HPCA: variants seen among roughly 807,000 people sequenced by gnomAD.
HPCA encodes hippocalcin.
Under a neutral mutation model 18.2 loss-of-function variants are expected in HPCA, and 4 were observed. The observed-to-expected ratio is 0.22, with a 90% CI of 0.11 to 0.50. HPCA has a LOEUF of 0.50. Ranked by LOEUF, HPCA falls within the 20% of genes least tolerant of loss-of-function variation. The pLI is 0.97. For synonymous variants in HPCA, 93 were observed against 103.5 expected (o/e 0.90, Z 0.61); for missense variants, 161 against 265.8 (o/e 0.61, Z 2.74).
rs1641423236 is a variant in HPCA at position 32,889,591 on chromosome 1, G to T, written c.378+315G>T. Among the ~76,000 whole-genome samples the T allele has an allele frequency of 6.6e-6, 1 of 152,030 alleles. No homozygotes were observed. The highest frequency in any genetic ancestry group is 2.1e-4 in the South Asian group (1 of 4,826). ...TCTGAACATTGGCCCTTTACCCCTG[G>T]ATACATTAGGATATATTTCCTAAAA... On this transcript the variant is annotated intron_variant, in intron 2 of 3. Transcript: ENST00000373467. This position sits in a 1 kb window ranked among gnomAD's most constrained non-coding sequence, Gnocchi z 4.6.
rs1252187515 is a variant in HPCA at position 32,889,725 on chromosome 1, C to T, written c.378+449C>T. Among the ~76,000 whole-genome samples, 1 of 152,236 alleles carries T rather than the reference C, an allele frequency of 6.6e-6. No individual in the cohort carries two copies. Among genetic ancestry groups the T allele is most frequent in the Non-Finnish European group, 1.5e-5 (1 of 68,042 alleles). On this transcript the variant is annotated intron_variant, in intron 2 of 3. Transcript: ENST00000373467. This position sits in a 1 kb window ranked among gnomAD's most constrained non-coding sequence, Gnocchi z 4.6. ...ACCAACCATATTCCAATTTTGCCAACTGTCTCCATAATGTTCTTTATAGCA... is the reference window on the plus strand; with the variant it reads ...ACCAACCATATTCCAATTTTGCCAATTGTCTCCATAATGTTCTTTATAGCA...
Position 32,893,441 on chromosome 1 carries a change from G to A in HPCA, c.379-83G>A, listed in dbSNP as rs1000531329. ...GCCCAGGCGGGGGCAGCAAACGTCA[G>A]AGAGCCCGGGGGCGCCTCTGAATCT... On this transcript the variant is annotated intron_variant, in intron 2 of 3. Coordinates refer to ENST00000373467, the MANE Select transcript of HPCA (RefSeq NM_002143.3). The surrounding 1 kb of genome is among the most constrained non-coding windows in gnomAD (Gnocchi z 7.5). 3.1e-6 allele frequency: 3 copies of A among 976,436 alleles called. No homozygotes were observed. In the African/African-American group the frequency reaches 4.9e-5, roughly 16 times the overall value. The allele number at this position is 976,436 out of a possible 1,614,324, so 60.5% of individuals were successfully genotyped here.
In HPCA at chr1:32,892,430, G is replaced by T. The variant is rs74618118; in HGVS notation, c.379-1094G>T. On this transcript the variant is annotated intron_variant, in intron 2 of 3. Transcript: ENST00000373467. ...CAGGCTCTGGGCCCATATGCACCCT[G>T]ACCCAGCCTGGGTTGGAGAAGACCT... 2.6e-4 allele frequency among the ~76,000 whole-genome samples: 39 copies of T among 152,320 alleles called. No individual in the cohort carries two copies. The East Asian group carries it at 7.3e-3, about 29-fold the overall frequency.
chr1:32,891,069 C>T (rs1641445553), intron 2 of HPCA, among the ~76,000 whole-genome samples: 1 of 152,220 alleles, frequency 6.6e-6, no homozygotes, highest in Non-Finnish European at 1.5e-5. Flanking sequence ...CTGGTGTGTA[C>T]TGGTAAACCC....
intron 2 of HPCA, among the ~76,000 whole-genome samples, chr1:32,892,471 T>C (rs1641466191): frequency 6.6e-6 from 1 of 152,108 alleles, no homozygotes; most frequent in Admixed American, 6.6e-5. Context: ...AGAAAACAGC[T>C]TGTAAACTGA....
chr1:32,893,689 TGCCTCCCTTTCCCGCTCC>T lies in HPCA; in HGVS notation c.484+68_485-51del. The T allele has an allele frequency of 3.0e-6, 2 of 671,576 alleles. No homozygotes were observed. The highest frequency in any genetic ancestry group is 4.9e-6 in the Non-Finnish European group (2 of 405,222). The allele number at this position is 671,576 out of a possible 1,614,324, so 41.6% of individuals were successfully genotyped here. ...GGGCGCCTTTCCCTCCCTCCCTCCC[TGCCTCCCTTTCCCGCTCC>T]GCCTCCCCTCGCTAGGCTGCCGCCT... On this transcript the variant is annotated intron_variant, in intron 3 of 3. Transcript: ENST00000373467. This position sits in a 1 kb window ranked among gnomAD's most constrained non-coding sequence, Gnocchi z 7.5.
Position 32,893,500 on chromosome 1 carries a change from C to T in HPCA, c.379-24C>T, listed in dbSNP as rs766169582. 6.5e-7 allele frequency: 1 copy of T among 1,542,748 alleles called. No individual in the cohort carries two copies. Among genetic ancestry groups the T allele is most frequent in the Non-Finnish European group, 9.0e-7 (1 of 1,116,848 alleles). The stretch of plus-strand genomic sequence containing the variant: ...GGGGCTCGGGCAGGCTCCTCTCACT[C>T]CCCGCCTCCCCTCCCGCCCCCAGGC... On this transcript the variant is annotated intron_variant, in intron 2 of 3. Transcript: ENST00000373467. The surrounding 1 kb of genome is among the most constrained non-coding windows in gnomAD (Gnocchi z 7.5).
At chr1:32,887,408 CAAG>C (rs1641388456) in intron 1 of HPCA, among the ~76,000 whole-genome samples, 1 of 152,156 alleles carries the variant, frequency 6.6e-6, no homozygotes, top group Non-Finnish European at 1.5e-5. Context: ...CATGTATGCA[CAAG>C]GAGGCCCCTC....
rs555996197 is a variant in HPCA, at chr1:32,893,653, G to C, written c.484+24G>C. 6.4e-7 allele frequency: 1 copy of C among 1,570,072 alleles called. No homozygotes were observed. The highest frequency in any genetic ancestry group is 1.1e-5 in the South Asian group (1 of 90,038). On this transcript the variant is annotated intron_variant, in intron 3 of 3. Coordinates refer to ENST00000373467, the MANE Select transcript of HPCA (RefSeq NM_002143.3). The surrounding 1 kb of genome is among the most constrained non-coding windows in gnomAD (Gnocchi z 7.5). ...CGGTGAGGGGCAGGGGCGGGACGGG[G>C]TGGACGGGGCGGGCGCCTTTCCCTC...
In HPCA at chr1:32,893,902, C is replaced by A; in HGVS notation, c.*40C>A. 7.3e-7 allele frequency: 1 copy of A among 1,377,874 alleles called. No homozygotes were observed. The highest frequency in any genetic ancestry group is 1.0e-6 in the Non-Finnish European group (1 of 991,300). 85.4% of individuals were successfully genotyped at this position (1,377,874 alleles called of 1,614,324 possible). A position where few individuals can be genotyped will look rare whatever the true frequency, so the allele number is the denominator to read the frequency against. ...CCCTTCCTCCCTCCCTTCACCGGCC[C>A]CCTCCCGGCTCTTAGCTTCCACTCC... is the stretch of plus-strand genomic sequence containing the variant. On this transcript the variant is annotated 3_prime_UTR_variant, in exon 4 of 4. Coordinates refer to ENST00000373467, the MANE Select transcript of HPCA (RefSeq NM_002143.3). This position sits in a 1 kb window ranked among gnomAD's most constrained non-coding sequence, Gnocchi z 7.5.
intron 2 of HPCA, among the ~76,000 whole-genome samples, chr1:32,891,792 T>G (rs1641457228): frequency 6.6e-6 from 1 of 152,144 alleles, no homozygotes. Flanking sequence ...GGTAGTGATA[T>G]CCAGTCACAA....
chr1:32,888,556 A>G (rs1019746349), intron 1 of HPCA, among the ~76,000 whole-genome samples: 3 of 152,190 alleles, frequency 2.0e-5, no homozygotes, highest in Non-Finnish European at 4.4e-5. Context: ...GCAAATCCCC[A>G]TACAACCTGT....
Position 32,893,673 on chromosome 1 carries a change from T to TGCCC in HPCA, c.484+44_484+45insGCCC. Reference sequence around the variant, plus strand: ...ACGGGGTGGACGGGGCGGGCGCCTTTCCCTCCCTCCCTCCCTGCCTCCCTT... The same window carrying TGCCC: ...ACGGGGTGGACGGGGCGGGCGCCTTTGCCCCCCTCCCTCCCTCCCTGCCTCCCTT... On this transcript the variant is annotated intron_variant, in intron 3 of 3. Transcript: ENST00000373467. The surrounding 1 kb of genome is among the most constrained non-coding windows in gnomAD (Gnocchi z 7.5). The TGCCC allele has an allele frequency of 3.8e-6, 5 of 1,314,126 alleles. No individual in the cohort carries two copies. The highest frequency in any genetic ancestry group is 4.3e-6 in the Non-Finnish European group (4 of 926,074). The allele number at this position is 1,314,126 out of a possible 1,614,324, so 81.4% of individuals were successfully genotyped here. A position where few individuals can be genotyped will look rare whatever the true frequency, so the allele number is the denominator to read the frequency against.
At chr1:32,892,441 G>A (rs1340793391) in intron 2 of HPCA, among the ~76,000 whole-genome samples, 1 of 152,178 alleles carries the variant, frequency 6.6e-6, no homozygotes, top group Non-Finnish European at 1.5e-5. Context: ...ACCCAGCCTG[G>A]GTTGGAGAAG....
chr1:32,893,516 G>GC lies in HPCA; in HGVS notation c.379-3dup. 2 of 1,558,868 alleles carry GC rather than the reference G, an allele frequency of 1.3e-6. No individual in the cohort carries two copies. Among genetic ancestry groups the GC allele is most frequent in the Middle Eastern group, 1.7e-4 (1 of 5,728 alleles). ...CCTCTCACTCCCCGCCTCCCCTCCC[G>GC]CCCCCAGGCCATTTACAAGATGGTT... On this transcript the variant is annotated splice_polypyrimidine_tract_variant and splice_region_variant and intron_variant, in intron 2 of 3. Coordinates refer to ENST00000373467, the MANE Select transcript of HPCA (RefSeq NM_002143.3). This position sits in a 1 kb window ranked among gnomAD's most constrained non-coding sequence, Gnocchi z 7.5.
chr1:32,893,765 G>A lies in HPCA; in HGVS notation c.485G>A (p.Gly162Asp), dbSNP rs1221540224. The A allele has an allele frequency of 6.3e-7, 1 of 1,575,468 alleles. No homozygotes were observed. Among genetic ancestry groups the A allele is most frequent in the Non-Finnish European group, 8.6e-7 (1 of 1,161,270 alleles). ...CATCACCGCTCCCCTCGCCCTGCAG[G>A]CAAGCTGTCCTTGGAGGAGTTCATC... The part of the protein sequence containing the change: ...IFRQMDTNND[G>D]KLSLEEFIRG... Residue 162 changes from glycine to aspartate, a missense_variant and splice_region_variant, in exon 4 of 4, where the codon GGC becomes GAC. Transcript: ENST00000373467. The surrounding 1 kb of genome is among the most constrained non-coding windows in gnomAD (Gnocchi z 7.5).
Position 32,886,688 on chromosome 1 carries a change from T to C in HPCA, c.-22+173T>C, listed in dbSNP as rs911769463. On this transcript the variant is annotated intron_variant, in intron 1 of 3. Transcript: ENST00000373467. This position sits in a 1 kb window ranked among gnomAD's most constrained non-coding sequence, Gnocchi z 7.0. ...AAGCGCGCGGTGCTCTCCAGGGTCC[T>C]GACCGCCGAGTGGCCGGCCCCTAGG... Among the ~76,000 whole-genome samples the C allele has an allele frequency of 6.6e-6, 1 of 152,062 alleles. No individual in the cohort carries two copies. The highest frequency in any genetic ancestry group is 2.4e-5 in the African/African-American group (1 of 41,436).
At chr1:32,887,858 C>T (rs578083589) in intron 1 of HPCA, among the ~76,000 whole-genome samples, 144 of 151,786 alleles carry the variant, frequency 9.5e-4, no homozygotes, top group Admixed American at 2.5e-3. Flanking sequence ...TGCCATGTGT[C>T]GATTCGTGTG....
At chr1:32,887,124 A>T (rs999986534) in intron 1 of HPCA, among the ~76,000 whole-genome samples, 4 of 152,106 alleles carry the variant, frequency 2.6e-5, no homozygotes, top group African/African-American at 9.7e-5. Flanking sequence ...CTGGGCCATA[A>T]GAGGCTGGTC....
Sources: allele counts gnomAD v4.1 joint callset (sites outside exome capture counted in the v4.1 genomes callset), GRCh38; gene constraint gnomAD v4.1.1; non-coding constraint Gnocchi (gnomAD v3.1); transcripts MANE v1.5; gene names NCBI Gene and HGNC (gene_info 2026-07-23, HGNC 2026-07-21).